The following SP140L variants were observed in gnomAD, a reference collection of about 807,000 sequenced individuals.
SP140L encodes nuclear body protein SP140-like protein.
In SP140L, 64 loss-of-function variants were observed where a neutral mutation model predicts 84.3. That is an observed-to-expected ratio of 0.76 (90% confidence interval 0.62 to 0.94). The LOEUF (loss-of-function observed/expected upper bound fraction) is 0.94. Ranked by LOEUF, SP140L falls within the 40% of genes least tolerant of loss-of-function variation. The pLI, the probability that SP140L is intolerant of heterozygous loss-of-function variation, is 0.00. For synonymous variants in SP140L, 242 were observed against 236.9 expected (o/e 1.02, Z -0.20); for missense variants, 628 against 692.5 (o/e 0.91, Z 1.05).
intron 2 of SP140L, among the ~76,000 whole-genome samples, chr2:230,348,407 T>C (rs2060272168): frequency 6.6e-6 from 1 of 152,240 alleles, no homozygotes; most frequent in Admixed American, 6.5e-5. Flanking sequence ...ATTGTATGTG[T>C]TTATAGCCAT....
At chr2:230,396,109 G>T (rs1169154047) in intron 13 of SP140L, among the ~76,000 whole-genome samples, 1 of 152,182 alleles carries the variant, frequency 6.6e-6, no homozygotes, top group East Asian at 1.9e-4. Flanking sequence ...TGACACAAAG[G>T]CCAAGTTTAG....
chr2:230,352,858 A>G (rs2060407738), intron 2 of SP140L, among the ~76,000 whole-genome samples: 1 of 151,808 alleles, frequency 6.6e-6, no homozygotes, highest in Non-Finnish European at 1.5e-5. Flanking sequence ...ACACACACAT[A>G]TATGTGTGTA....
chr2:230,369,547 G>A (rs2060988673), intron 5 of SP140L, among the ~76,000 whole-genome samples: 3 of 152,200 alleles, frequency 2.0e-5, no homozygotes, highest in Admixed American at 6.5e-5. Context: ...AGGAAACATA[G>A]TTCAGGCACT....
intron 12 of SP140L, 124 bp downstream of exon 12, chr2:230,392,353 C>G (rs1417181107): frequency 2.1e-6 from 3 of 1,450,418 alleles, no homozygotes; most frequent in African/African-American, 2.8e-5. Flanking sequence ...TGAGTTTATC[C>G]TCTCACTCAG....
chr2:230,380,525 T>G (rs1330081368), intron 7 of SP140L, among the ~76,000 whole-genome samples: 2 of 152,064 alleles, frequency 1.3e-5, no homozygotes, highest in Non-Finnish European at 2.9e-5. Flanking sequence ...GTATTAAGAG[T>G]ACCATTGGAT....
Position 230,334,051 on chromosome 2 carries a change from A to T in SP140L, c.107+5220A>T, listed in dbSNP as rs144435227. 4.2e-3 allele frequency among the ~76,000 whole-genome samples: 645 copies of T among 152,340 alleles called. 24 individuals carry two copies. Among genetic ancestry groups the T allele is most frequent in the Non-Finnish European group, 1.4e-3 (98 of 68,036 alleles). On this transcript the variant is annotated intron_variant, in intron 2 of 18. Coordinates refer to ENST00000415673, the MANE Select transcript of SP140L (RefSeq NM_138402.6). ...ATATTTGCTTGTTCTGAAAGAATTC[A>T]TCAAGTGTCCATTGGGTGTCCATTC... is the stretch of plus-strand genomic sequence containing the variant.
intron 2 of SP140L, among the ~76,000 whole-genome samples, chr2:230,331,683 T>C (rs372260025): frequency 6.6e-6 from 1 of 152,212 alleles, no homozygotes. Context: ...GAGTCCTTAT[T>C]GGGTCACTTT....
intron 5 of SP140L, 114 bp from the exon 6 acceptor site, chr2:230,370,794 C>G (rs2061039278): frequency 1.1e-6 from 1 of 923,352 alleles, no homozygotes; most frequent in East Asian, 2.7e-5. Flanking sequence ...AACCAGGGTG[C>G]AGAAAAGAGG....
At chr2:230,400,381 C>A in intron 15 of SP140L, 139 bp downstream of exon 15, 5 of 806,966 alleles carry the variant, frequency 6.2e-6, no homozygotes, top group Non-Finnish European at 8.0e-6. Flanking sequence ...GCAGTGTGAT[C>A]CAGAGAGCAG....
At chr2:230,345,152 G>C (rs560729491) in intron 2 of SP140L, among the ~76,000 whole-genome samples, 2 of 152,256 alleles carry the variant, frequency 1.3e-5, no homozygotes, top group Admixed American at 1.3e-4. Context: ...AGATTGGTTA[G>C]TATTTGCTTT....
intron 8 of SP140L, 117 bp downstream of exon 8, chr2:230,383,692 T>C (rs1237661487): frequency 2.0e-5 from 19 of 974,242 alleles, no homozygotes; most frequent in Non-Finnish European, 2.7e-5. Flanking sequence ...CCTGTATCCG[T>C]TAGGATGTAG....
chr2:230,352,319 A>C (rs2149716523), intron 2 of SP140L, among the ~76,000 whole-genome samples: 1 of 152,302 alleles, frequency 6.6e-6, no homozygotes, highest in African/African-American at 2.4e-5. Flanking sequence ...AAAGAAGTTT[A>C]ATTGACTCAC....
chr2:230,370,365 C>T (rs1306060020), intron 5 of SP140L, among the ~76,000 whole-genome samples: 1 of 152,060 alleles, frequency 6.6e-6, no homozygotes, highest in African/African-American at 2.4e-5. Context: ...TGTGTGTGAC[C>T]TCTAGAAGCT....
chr2:230,346,581 T>C (rs1186408381), intron 2 of SP140L, among the ~76,000 whole-genome samples: 1 of 117,760 alleles, frequency 8.5e-6, no homozygotes, highest in African/African-American at 3.3e-5. Flanking sequence ...TTTCATTCTT[T>C]GTTCTTTTTG....
chr2:230,385,386 T>C (rs1397330051), intron 9 of SP140L, 82 bp downstream of exon 9: 1 of 1,315,474 alleles, frequency 7.6e-7, no homozygotes. Flanking sequence ...AGAAGCTTTA[T>C]TGTTTACTAG....
In SP140L at chr2:230,383,214, G is replaced by A. The variant is rs1575518883; in HGVS notation, c.638-296G>A. The stretch of plus-strand genomic sequence containing the variant: ...CAACAAACACTTGAAAAAGCAACAT[G>A]AAATAGCAGTTATCATTCACTTTAA... On this transcript the variant is annotated intron_variant, in intron 7 of 18. Transcript: ENST00000415673. Among the ~76,000 whole-genome samples, 4 of 152,254 alleles carry A rather than the reference G, an allele frequency of 2.6e-5. No individual in the cohort carries two copies. The South Asian group carries it at 6.2e-4, about 24-fold the overall frequency.
chr2:230,340,505 T>C (rs1559407372), intron 2 of SP140L, among the ~76,000 whole-genome samples: 1 of 145,460 alleles, frequency 6.9e-6, no homozygotes, highest in Non-Finnish European at 1.5e-5. Flanking sequence ...AAAGTTAATA[T>C]TGTTATGTGT....
intron 11 of SP140L, among the ~76,000 whole-genome samples, chr2:230,390,247 A>G (rs1312121634): frequency 6.6e-6 from 1 of 152,182 alleles, no homozygotes; most frequent in Non-Finnish European, 1.5e-5. Context: ...CCAAAGAACA[A>G]AAGAGAAGGC....
rs570248840 is a variant in SP140L at position 230,344,938 on chromosome 2, TG to T, written c.108-12865del. 1.2e-4 allele frequency among the ~76,000 whole-genome samples: 19 copies of T among 152,334 alleles called. 1 individual carries two copies. In the South Asian group the frequency reaches 2.5e-3, roughly 20 times the overall value. ...CTTGAATTTATTAAGACTTCTTTTG[TG>T]GCCTAACATGTACACTTGAGTAGAA... On this transcript the variant is annotated intron_variant, in intron 2 of 18. Coordinates refer to ENST00000415673, the MANE Select transcript of SP140L (RefSeq NM_138402.6).
Sources: gnomAD v4.1 joint callset for allele counts (sites outside exome capture counted in the v4.1 genomes callset) on GRCh38, gnomAD v4.1.1 for gene constraint, MANE v1.5 for transcripts, NCBI Gene and HGNC (gene_info 2026-07-23, HGNC 2026-07-21) for gene names.